The following VPS41 variants were observed in gnomAD, a reference collection of about 807,000 sequenced individuals.
VPS41 encodes VPS41 subunit of HOPS complex.
A neutral mutation model predicts 130.9 loss-of-function variants in VPS41; 85 were observed. The observed-to-expected ratio is 0.65, with a 90% CI of 0.55 to 0.78. VPS41 has a LOEUF of 0.78. VPS41 is among the 30% of genes least tolerant of loss of function. The probability of loss-of-function intolerance (pLI) is 0.00; values close to 1 mark genes in which losing one functional copy is unlikely to be tolerated. For synonymous variants in VPS41, 335 were observed against 332.9 expected (o/e 1.01, Z -0.07); for missense variants, 874 against 1,018.7 (o/e 0.86, Z 1.93).
At chr7:38,884,318 T>C (rs1359510555) in intron 2 of VPS41, among the ~76,000 whole-genome samples, 2 of 152,204 alleles carry the variant, frequency 1.3e-5, no homozygotes, top group Non-Finnish European at 2.9e-5. Flanking sequence ...TTCAACTAAA[T>C]AGCATACAGG....
intron 10 of VPS41, 34 bp downstream of exon 10, chr7:38,789,767 T>C: frequency 6.2e-7 from 1 of 1,611,042 alleles, no homozygotes; most frequent in Non-Finnish European, 8.5e-7. Context: ...GAATGAAGTT[T>C]TACATCCACA....
intron 7 of VPS41, among the ~76,000 whole-genome samples, chr7:38,817,297 T>G (rs1785072810): frequency 6.6e-6 from 1 of 152,176 alleles, no homozygotes; most frequent in Non-Finnish European, 1.5e-5. Flanking sequence ...TTGTCCTATA[T>G]CTACTTCAAA....
At chr7:38,876,731 G>A (rs1786500842) in intron 2 of VPS41, among the ~76,000 whole-genome samples, 3 of 152,088 alleles carry the variant, frequency 2.0e-5, no homozygotes, top group Admixed American at 2.0e-4. Flanking sequence ...TAATTGAGGA[G>A]CTCTACTTAA....
chr7:38,748,155 C>A (rs543572222), intron 22 of VPS41, among the ~76,000 whole-genome samples: 1 of 152,286 alleles, frequency 6.6e-6, no homozygotes, highest in East Asian at 1.9e-4. Flanking sequence ...CCATGGTGCT[C>A]CCTCTAGAGG....
At chr7:38,815,068 T>C (rs1394427188) in intron 7 of VPS41, among the ~76,000 whole-genome samples, 1 of 152,178 alleles carries the variant, frequency 6.6e-6, no homozygotes, top group African/African-American at 2.4e-5. Context: ...TAAATGTTTG[T>C]TGTTTTAAGT....
intron 19 of VPS41, among the ~76,000 whole-genome samples, chr7:38,755,972 A>T (rs1783782347): frequency 6.6e-6 from 1 of 152,156 alleles, no homozygotes; most frequent in Non-Finnish European, 1.5e-5. Context: ...AAAGGGCTAA[A>T]GCATCTTTGA....
chr7:38,751,377 T>A (rs749732191), intron 22 of VPS41, among the ~76,000 whole-genome samples: 7 of 152,224 alleles, frequency 4.6e-5, no homozygotes, highest in Non-Finnish European at 7.3e-5. Context: ...GTAGATGGTA[T>A]TGAGAACTGT....
At chr7:38,735,499 C>G (rs971485992) in intron 25 of VPS41, among the ~76,000 whole-genome samples, 1 of 151,750 alleles carries the variant, frequency 6.6e-6, no homozygotes, top group East Asian at 1.9e-4. Context: ...GTGTGTGTCT[C>G]TGTGTGTGTA....
intron 10 of VPS41, among the ~76,000 whole-genome samples, chr7:38,780,802 A>T (rs1387846173): frequency 6.6e-6 from 1 of 152,192 alleles, no homozygotes; most frequent in Non-Finnish European, 1.5e-5. Context: ...TGATTAGATC[A>T]TGGGAACGGA....
intron 1 of VPS41, among the ~76,000 whole-genome samples, chr7:38,903,284 G>C (rs1787183533): frequency 6.6e-6 from 1 of 152,224 alleles, no homozygotes; most frequent in South Asian, 2.1e-4. Flanking sequence ...ACAATGGCCT[G>C]GGAGAAGGCT....
chr7:38,884,547 G>A (rs1274985120), intron 2 of VPS41, among the ~76,000 whole-genome samples: 3 of 152,030 alleles, frequency 2.0e-5, no homozygotes, highest in Non-Finnish European at 2.9e-5. Flanking sequence ...TAGAGAGGAA[G>A]GATCACTATG....
At chr7:38,869,389 A>C (rs952685151) in intron 2 of VPS41, 136 bp from the exon 3 acceptor site, 3 of 598,034 alleles carry the variant, frequency 5.0e-6, no homozygotes, top group Admixed American at 3.1e-5. Context: ...CTAAAGGTTA[A>C]AATCTTCATA....
chr7:38,796,449 C>T (rs1418120983), intron 8 of VPS41: 3 of 509,192 alleles, frequency 5.9e-6, no homozygotes, highest in Non-Finnish European at 1.1e-5. Flanking sequence ...TTTCAAGACC[C>T]ATTCCCAATG....
chr7:38,771,160 G>T, intron 14 of VPS41, 38 bp downstream of exon 14: 1 of 1,403,202 alleles, frequency 7.1e-7, no homozygotes, highest in Non-Finnish European at 1.0e-6. Context: ...CTTATTGAAA[G>T]ATAAAATTAT....
At chr7:38,806,518 C>A (rs1054905975) in intron 7 of VPS41, among the ~76,000 whole-genome samples, 3 of 152,072 alleles carry the variant, frequency 2.0e-5, no homozygotes, top group Non-Finnish European at 4.4e-5. Context: ...AAAACAAGAT[C>A]TAAAATAATT....
At chr7:38,779,004 C>T (rs1784311172) in intron 10 of VPS41, among the ~76,000 whole-genome samples, 1 of 152,222 alleles carries the variant, frequency 6.6e-6, no homozygotes, top group African/African-American at 2.4e-5. Context: ...CAGAAAATTT[C>T]CTGTTCTCTA....
chr7:38,856,296 T>C (rs2116285803), intron 4 of VPS41, among the ~76,000 whole-genome samples: 1 of 152,266 alleles, frequency 6.6e-6, no homozygotes, highest in Non-Finnish European at 1.5e-5. Context: ...GTTTACACCA[T>C]GCCTGGCCCT....
chr7:38,886,393 G>A (rs993168618), intron 2 of VPS41, among the ~76,000 whole-genome samples: 2 of 152,200 alleles, frequency 1.3e-5, no homozygotes, highest in Admixed American at 6.5e-5. Flanking sequence ...AGCCTTACTC[G>A]CTGCTAACGC....
chr7:38,729,627 A>G (rs1209194996), intron 25 of VPS41, among the ~76,000 whole-genome samples: 1 of 152,186 alleles, frequency 6.6e-6, no homozygotes, highest in Non-Finnish European at 1.5e-5. Flanking sequence ...CTGGAGAATG[A>G]CAAGAGACAT....
Sources: gnomAD v4.1 joint callset for allele counts (sites outside exome capture counted in the v4.1 genomes callset) on GRCh38, gnomAD v4.1.1 for gene constraint, MANE v1.5 for transcripts, NCBI Gene and HGNC (gene_info 2026-07-23, HGNC 2026-07-21) for gene names.